The following GALNT10 variants were observed in gnomAD, a reference collection of about 807,000 sequenced individuals.
The protein encoded by GALNT10 is polypeptide N-acetylgalactosaminyltransferase 10, also known as GalNAc transferase 10.
A neutral mutation model predicts 75.0 loss-of-function variants in GALNT10; 41 were observed. That is an observed-to-expected ratio of 0.55 (90% CI 0.43 to 0.71). The LOEUF (loss-of-function observed/expected upper bound fraction) is 0.71, where lower values mean the gene tolerates loss of function less well. Ranked by LOEUF, GALNT10 falls within the 30% of genes least tolerant of loss-of-function variation. The probability of loss-of-function intolerance (pLI) is 0.00; values close to 1 mark genes in which losing one functional copy is unlikely to be tolerated. For missense variants in GALNT10, 727 were observed against 818.5 expected, an observed-to-expected ratio of 0.89 and a Z score of 1.36; for synonymous variants, 302 against 313.0, an observed-to-expected ratio of 0.96 and a Z score of 0.37.
intron 1 of GALNT10, chr5:154,218,112 A>G (rs1752912047): frequency 1.0e-6 from 1 of 985,198 alleles, no homozygotes; most frequent in South Asian, 4.7e-5. Flanking sequence ...GAGGGCTCAG[A>G]TGCACAGCCT....
chr5:154,409,843 A>C lies in GALNT10; in HGVS notation c.1386+81A>C. On this transcript the variant is annotated intron_variant, in intron 9 of 11. Coordinates refer to ENST00000297107, the MANE Select transcript of GALNT10 (RefSeq NM_198321.4). The surrounding 1 kb of genome is among the most constrained non-coding windows in gnomAD (Gnocchi z 4.5). ...TGCAGATCCCATGTTCAAAAGGTAG[A>C]AAGTCAGTGCAGGGAGGAAAGGCGT... The C allele has an allele frequency of 3.2e-6, 3 of 949,454 alleles. No individual in the cohort carries two copies. The highest frequency in any genetic ancestry group is 5.1e-6 in the Non-Finnish European group (3 of 583,072). The allele number at this position is 949,454 out of a possible 1,614,324, so 58.8% of individuals were successfully genotyped here. A position where few individuals can be genotyped will look rare whatever the true frequency, so the allele number is the denominator to read the frequency against.
chr5:154,277,539 T>A (rs543266985), intron 1 of GALNT10, among the ~76,000 whole-genome samples: 1 of 152,036 alleles, frequency 6.6e-6, no homozygotes, highest in Non-Finnish European at 1.5e-5. Context: ...ACTTTCACAA[T>A]CTACTATAGT....
At chr5:154,347,740 T>C (rs1755151405) in intron 4 of GALNT10, among the ~76,000 whole-genome samples, 1 of 152,190 alleles carries the variant, frequency 6.6e-6, no homozygotes. Context: ...CACTTTGACT[T>C]TGAAAATCAG....
intron 1 of GALNT10, among the ~76,000 whole-genome samples, chr5:154,235,943 C>A (rs1295270506): frequency 6.6e-6 from 1 of 152,122 alleles, no homozygotes; most frequent in Non-Finnish European, 1.5e-5. Context: ...GAATAGGGAT[C>A]CTTTGTATTT....
chr5:154,196,073 G>A (rs1364703459), intron 1 of GALNT10, among the ~76,000 whole-genome samples: 2 of 152,114 alleles, frequency 1.3e-5, no homozygotes, highest in African/African-American at 2.4e-5. Context: ...ATAGGCATGC[G>A]CCACCAAGCC....
chr5:154,286,709 C>T (rs569972057), intron 1 of GALNT10, among the ~76,000 whole-genome samples: 2 of 152,278 alleles, frequency 1.3e-5, no homozygotes, highest in Non-Finnish European at 2.9e-5. Context: ...GTGACCTTCC[C>T]CTCTTAGAGA....
At chr5:154,344,845 G>A (rs1755095917) in intron 4 of GALNT10, among the ~76,000 whole-genome samples, 1 of 152,152 alleles carries the variant, frequency 6.6e-6, no homozygotes, top group Non-Finnish European at 1.5e-5. Flanking sequence ...TATACATTTA[G>A]GGACTTCCTA....
At chr5:154,296,949 G>C (rs974580827) in intron 2 of GALNT10, among the ~76,000 whole-genome samples, 10 of 152,198 alleles carry the variant, frequency 6.6e-5, no homozygotes, top group African/African-American at 2.2e-4. Context: ...CCACGTCTCA[G>C]CTTGCACCTT....
chr5:154,299,623 C>T (rs537587150), intron 3 of GALNT10, among the ~76,000 whole-genome samples: 158 of 152,272 alleles, frequency 1.0e-3, no homozygotes, highest in Admixed American at 1.8e-3. Flanking sequence ...GCCTTCATTC[C>T]CATAACCTCC....
chr5:154,359,065 G>A (rs772281364), intron 4 of GALNT10, among the ~76,000 whole-genome samples: 36 of 152,164 alleles, frequency 2.4e-4, no homozygotes, highest in Non-Finnish European at 4.3e-4. Context: ...AGTGTGACAG[G>A]CCATTAGTAT....
chr5:154,291,968 A>G (rs1754200894), intron 1 of GALNT10, among the ~76,000 whole-genome samples: 1 of 152,222 alleles, frequency 6.6e-6, no homozygotes, highest in African/African-American at 2.4e-5. Context: ...CATGTCTTTT[A>G]GGTTTTCAAG....
chr5:154,372,409 G>A (rs1755586891), intron 4 of GALNT10, among the ~76,000 whole-genome samples: 2 of 152,356 alleles, frequency 1.3e-5, no homozygotes, highest in African/African-American at 4.8e-5. Flanking sequence ...ATGGAATCAT[G>A]CATTCAGCTT....
chr5:154,258,550 A>T (rs1311188584), intron 1 of GALNT10, among the ~76,000 whole-genome samples: 2 of 152,214 alleles, frequency 1.3e-5, no homozygotes, highest in Non-Finnish European at 2.9e-5. Flanking sequence ...TGGGATTCTG[A>T]TCACAGATAA....
At chr5:154,371,091 C>G (rs1755555270) in intron 4 of GALNT10, among the ~76,000 whole-genome samples, 2 of 152,202 alleles carry the variant, frequency 1.3e-5, no homozygotes, top group African/African-American at 4.8e-5. Flanking sequence ...TCTCTGAAGT[C>G]CTCGGGAGGA....
intron 1 of GALNT10, among the ~76,000 whole-genome samples, chr5:154,272,754 C>T (rs1473495801): frequency 2.0e-5 from 3 of 152,170 alleles, no homozygotes; most frequent in Non-Finnish European, 2.9e-5. Flanking sequence ...AATTGCCTAG[C>T]GCAGAGCCTG....
Position 154,298,182 on chromosome 5 carries a change from C to T in GALNT10, c.401+103C>T, listed in dbSNP as rs1270570467. ...GTACATGGAGCCCTGCTGACGGAGA[C>T]ACCCTCCTCTTTCACAGGCATTTGT... is the stretch of plus-strand genomic sequence containing the variant. On this transcript the variant is annotated intron_variant, in intron 3 of 11. Coordinates refer to ENST00000297107, the MANE Select transcript of GALNT10 (RefSeq NM_198321.4). This position sits in a 1 kb window ranked among gnomAD's most constrained non-coding sequence, Gnocchi z 4.1. 9.9e-7 allele frequency: 1 copy of T among 1,008,630 alleles called. No homozygotes were observed. The highest frequency in any genetic ancestry group is 1.6e-5 in the African/African-American group (1 of 62,256). The allele number at this position is 1,008,630 out of a possible 1,614,324, so 62.5% of individuals were successfully genotyped here. A position where few individuals can be genotyped will look rare whatever the true frequency, so the allele number is the denominator to read the frequency against.
At chr5:154,397,364 C>T (rs1285783756) in intron 7 of GALNT10, among the ~76,000 whole-genome samples, 4 of 152,036 alleles carry the variant, frequency 2.6e-5, no homozygotes, top group African/African-American at 4.8e-5. Context: ...ATTCATGCAA[C>T]GCCCTCCACC....
intron 1 of GALNT10, among the ~76,000 whole-genome samples, chr5:154,231,221 G>A (rs1753145383): frequency 6.6e-6 from 1 of 152,174 alleles, no homozygotes; most frequent in Non-Finnish European, 1.5e-5. Context: ...GATCCTGAGT[G>A]GACATCTTTC....
intron 8 of GALNT10, among the ~76,000 whole-genome samples, chr5:154,404,824 C>G (rs894708362): frequency 1.3e-5 from 2 of 152,202 alleles, no homozygotes; most frequent in African/African-American, 4.8e-5. Context: ...TCCTCACCCC[C>G]TGTCTACTCT....
Sources: allele counts gnomAD v4.1 joint callset (sites outside exome capture counted in the v4.1 genomes callset), GRCh38; gene constraint gnomAD v4.1.1; non-coding constraint Gnocchi (gnomAD v3.1); transcripts MANE v1.5; gene names NCBI Gene and HGNC (gene_info 2026-07-23, HGNC 2026-07-21).